Variants in KLHL1 observed in about 807,000 individuals in gnomAD.
The protein encoded by KLHL1 is kelch like family member 1.
Under a neutral mutation model 77.7 loss-of-function variants are expected in KLHL1, and 47 were observed. That is an observed-to-expected ratio of 0.60 (90% CI 0.48 to 0.77). The LOEUF is 0.77. KLHL1 is among the 30% of genes least tolerant of loss of function. The probability of loss-of-function intolerance (pLI) is 0.00; values close to 1 mark genes in which losing one functional copy is unlikely to be tolerated. For missense variants in KLHL1, 925 were observed against 910.8 expected (o/e 1.02, Z -0.20); for synonymous variants, 360 against 325.2 (o/e 1.11, Z -1.15).
chr13:69,850,942 C>T (rs184283303), intron 5 of KLHL1, among the ~76,000 whole-genome samples: 33 of 151,508 alleles, frequency 2.2e-4, no homozygotes, highest in Admixed American at 1.5e-3. Flanking sequence ...CCTAGTTTTA[C>T]CCTGTGTTTC....
intron 6 of KLHL1, among the ~76,000 whole-genome samples, chr13:69,838,094 T>TCATTTGTAATCAACAA (rs1174317393): frequency 6.6e-6 from 1 of 151,744 alleles, no homozygotes; most frequent in Non-Finnish European, 1.5e-5. Context: ...TGTCATTCTC[T>TCATTTGTAATCAACAA]ATTGATTACA....
At chr13:69,794,491 A>C (rs957966524) in intron 7 of KLHL1, among the ~76,000 whole-genome samples, 2 of 151,928 alleles carry the variant, frequency 1.3e-5, no homozygotes, top group Non-Finnish European at 2.9e-5. Flanking sequence ...ATTAGAAAGA[A>C]GAGCAGGAAA....
intron 7 of KLHL1, 46 bp from the exon 8 acceptor site, chr13:69,740,602 A>T: frequency 2.1e-6 from 3 of 1,401,828 alleles, no homozygotes; most frequent in Non-Finnish European, 2.9e-6. Flanking sequence ...TTAATATCAT[A>T]TTGTACATTT....
intron 3 of KLHL1, among the ~76,000 whole-genome samples, chr13:69,951,260 T>C (rs896053456): frequency 6.6e-6 from 1 of 151,492 alleles, no homozygotes; most frequent in Non-Finnish European, 1.5e-5. Context: ...ACCATGGATA[T>C]TTAGAAATAA....
intron 3 of KLHL1, among the ~76,000 whole-genome samples, chr13:69,954,932 T>A (rs189583734): frequency 2.0e-5 from 3 of 151,310 alleles, no homozygotes; most frequent in African/African-American, 4.8e-5. Context: ...TTATTACTTT[T>A]ATTTTGTTAC....
At chr13:69,805,939 G>A (rs2138054477) in intron 6 of KLHL1, among the ~76,000 whole-genome samples, 1 of 151,858 alleles carries the variant, frequency 6.6e-6, no homozygotes, top group African/African-American at 2.4e-5. Context: ...ATTTCTAATA[G>A]GCTGCTCAAG....
intron 5 of KLHL1, among the ~76,000 whole-genome samples, chr13:69,864,396 A>G (rs1263652910): frequency 6.6e-6 from 1 of 152,002 alleles, no homozygotes; most frequent in Non-Finnish European, 1.5e-5. Context: ...AATGTATACT[A>G]TATATACATA....
intron 9 of KLHL1, among the ~76,000 whole-genome samples, chr13:69,708,094 C>T (rs1875708870): frequency 6.6e-6 from 1 of 151,816 alleles, no homozygotes; most frequent in African/African-American, 2.4e-5. Context: ...CTATTATCCA[C>T]AGTAGAATTA....
At chr13:70,041,330 AT>A (rs1188290692) in intron 1 of KLHL1, among the ~76,000 whole-genome samples, 1 of 152,100 alleles carries the variant, frequency 6.6e-6, no homozygotes, top group Non-Finnish European at 1.5e-5. Flanking sequence ...GGTGTTATAA[AT>A]TTTCTATTAC....
chr13:69,784,134 TGA>T (rs1440296540), intron 7 of KLHL1, among the ~76,000 whole-genome samples: 1 of 152,130 alleles, frequency 6.6e-6, no homozygotes, highest in East Asian at 1.9e-4. Context: ...AAGCAAATGC[TGA>T]GAGATTTTGT....
chr13:69,928,196 GT>G (rs1481021132), intron 4 of KLHL1, among the ~76,000 whole-genome samples: 1 of 152,162 alleles, frequency 6.6e-6, no homozygotes, highest in Non-Finnish European at 1.5e-5. Flanking sequence ...ATGCCAACCT[GT>G]TTGAAGACTC....
chr13:70,050,001 A>C (rs1886591488), intron 1 of KLHL1, among the ~76,000 whole-genome samples: 1 of 152,026 alleles, frequency 6.6e-6, no homozygotes, highest in Non-Finnish European at 1.5e-5. Context: ...GAAAAAACAA[A>C]AAATTAATAA....
intron 7 of KLHL1, among the ~76,000 whole-genome samples, chr13:69,753,303 A>G (rs1469169009): frequency 6.6e-6 from 1 of 152,176 alleles, no homozygotes; most frequent in Non-Finnish European, 1.5e-5. Flanking sequence ...GGCTTTGATA[A>G]CCAATTGAAG....
intron 4 of KLHL1, among the ~76,000 whole-genome samples, chr13:69,914,149 T>C (rs905079791): frequency 6.6e-6 from 1 of 152,178 alleles, no homozygotes; most frequent in African/African-American, 2.4e-5. Context: ...CGGCCTATTG[T>C]GGGACCTCAC....
At chr13:69,725,562 A>C (rs1412090745) in intron 8 of KLHL1, among the ~76,000 whole-genome samples, 2 of 152,182 alleles carry the variant, frequency 1.3e-5, no homozygotes, top group Non-Finnish European at 2.9e-5. Flanking sequence ...TCATATAAAA[A>C]GGAGTGAATG....
chr13:69,709,456 G>T (rs1174966494), intron 9 of KLHL1, among the ~76,000 whole-genome samples: 1 of 152,004 alleles, frequency 6.6e-6, no homozygotes, highest in East Asian at 1.9e-4. Context: ...TTAGGAAGAA[G>T]TAACTAAGTT....
chr13:69,840,698 A>ATATATATATGTATGTATGTATG (rs976775077), intron 5 of KLHL1, among the ~76,000 whole-genome samples: 6 of 146,276 alleles, frequency 4.1e-5, no homozygotes, highest in Non-Finnish European at 7.5e-5. Context: ...ATATATATAT[A>ATATATATATGTATGTATGTATG]TATGTATGTA....
intron 6 of KLHL1, among the ~76,000 whole-genome samples, chr13:69,800,068 C>T (rs1020712423): frequency 8.5e-5 from 13 of 152,148 alleles, no homozygotes; most frequent in African/African-American, 2.9e-4. Flanking sequence ...AATGTTCTTC[C>T]ACCAAACTAG....
chr13:70,021,044 A>C (rs1052222860), intron 1 of KLHL1, among the ~76,000 whole-genome samples: 31 of 151,998 alleles, frequency 2.0e-4, no homozygotes, highest in African/African-American at 6.8e-4. Flanking sequence ...TATTACCTAA[A>C]GTCCATAGTT....
Sources: allele counts gnomAD v4.1 joint callset (sites outside exome capture counted in the v4.1 genomes callset), GRCh38; gene constraint gnomAD v4.1.1; transcripts MANE v1.5; gene names NCBI Gene and HGNC (gene_info 2026-07-23, HGNC 2026-07-21).